ITGAE: variants seen among roughly 807,000 people sequenced by gnomAD.
ITGAE encodes the protein integrin subunit alpha E.
ITGAE carries 99 observed loss-of-function variants against 136.5 expected under a neutral mutation model. The ratio of observed to expected loss-of-function variants is 0.73; its 90% CI spans 0.62 to 0.86. The LOEUF is 0.86. Ranked by LOEUF, ITGAE falls within the 40% of genes least tolerant of loss-of-function variation. ITGAE has a pLI of 0.00. For synonymous variants in ITGAE, 613 were observed against 591.8 expected (o/e 1.04, Z -0.52); for missense variants, 1,447 against 1,515.3 (o/e 0.95, Z 0.75).
Position 3,716,818 on chromosome 17 carries a change from C to T in ITGAE, c.3334-20G>A, listed in dbSNP as rs190697833. 6.6e-6 allele frequency: 9 copies of T among 1,355,278 alleles called. No homozygotes were observed. The highest frequency in any genetic ancestry group is 5.8e-5 in the African/African-American group (4 of 69,358). The allele number at this position is 1,355,278 out of a possible 1,614,324, so 84.0% of individuals were successfully genotyped here. A position where few individuals can be genotyped will look rare whatever the true frequency, so the allele number is the denominator to read the frequency against. On this transcript the variant is annotated intron_variant, in intron 29 of 30. Transcript: ENST00000263087. Reference sequence around the variant, plus strand: ...AGTGATCTAGACAAGACAAAGAGATCGCCCAATAAATCAGGTGAAGCAAAC... The same window carrying T: ...AGTGATCTAGACAAGACAAAGAGATTGCCCAATAAATCAGGTGAAGCAAAC...
intron 1 of ITGAE, among the ~76,000 whole-genome samples, chr17:3,786,932 G>A (rs2052813804): frequency 6.8e-6 from 1 of 147,690 alleles, no homozygotes; most frequent in African/African-American, 2.5e-5. Context: ...AAAACAAGCA[G>A]AGTTCATTTC....
intron 16 of ITGAE, 39 bp downstream of exon 16, chr17:3,750,313 G>C (rs2051831711): frequency 6.2e-7 from 1 of 1,610,510 alleles, no homozygotes; most frequent in Non-Finnish European, 8.5e-7. Context: ...AATGGGTGAG[G>C]CTGGGCCTGG....
At chr17:3,796,135 ATGTGTGTGCATCCGTGTGTGTG>A (rs1567565727) in intron 1 of ITGAE, among the ~76,000 whole-genome samples, 2 of 20,416 alleles carry the variant, frequency 9.8e-5, no homozygotes, top group East Asian at 6.9e-4. Flanking sequence ...GTGTGCATCC[ATGTGTGTGCATCCGTGTGTGTG>A]TGTGTGTGCA....
intron 28 of ITGAE, 91 bp downstream of exon 28, chr17:3,723,197 A>T: frequency 1.1e-6 from 1 of 907,290 alleles, no homozygotes; most frequent in Non-Finnish European, 1.8e-6. Flanking sequence ...TTGGACATGG[A>T]CATGTTATGC....
intron 2 of ITGAE, among the ~76,000 whole-genome samples, chr17:3,766,531 G>A (rs1313674705): frequency 6.6e-6 from 1 of 152,140 alleles, no homozygotes; most frequent in Non-Finnish European, 1.5e-5. Flanking sequence ...GCTGGGCTCA[G>A]TGTCTCACAC....
Position 3,753,800 on chromosome 17 carries a change from C to A in ITGAE, c.1510G>T (p.Val504Leu), listed in dbSNP as rs933359506. The A allele has an allele frequency of 6.2e-7, 1 of 1,614,134 alleles. No individual in the cohort carries two copies. Among genetic ancestry groups the A allele is most frequent in the Admixed American group, 1.7e-5 (1 of 60,012 alleles). Residue 504 changes from valine (V) to leucine (L), a missense_variant, in exon 13 of 31, where the codon GTG becomes TTG. Val to Leu is a conservative substitution (Grantham distance 32). Transcript: ENST00000263087. ...KEGREASFLP[V>L]LEGEQMGSYF... ...GCAGGTACCTGCTCTCCCTCCAGCA[C>A]TGGCAGGAAGCTGGCCTCTCTGCCC...
chr17:3,729,394 A>G (rs1210603591), intron 24 of ITGAE, 84 bp downstream of exon 24: 5 of 855,808 alleles, frequency 5.8e-6, no homozygotes, highest in South Asian at 1.3e-5. Context: ...CATCCTGACC[A>G]CCAGCTCCAT....
intron 15 of ITGAE, among the ~76,000 whole-genome samples, chr17:3,751,197 T>C (rs2051855903): frequency 6.6e-6 from 1 of 151,358 alleles, no homozygotes; most frequent in African/African-American, 2.4e-5. Context: ...GAGGTGCTCA[T>C]GAGGAGCTGG....
At chr17:3,729,293 G>C (rs2051288369) in intron 24 of ITGAE, 185 bp downstream of exon 24, 2 of 583,928 alleles carry the variant, frequency 3.4e-6, no homozygotes, top group African/African-American at 1.9e-5. Flanking sequence ...ACCACAGTGG[G>C]GTTTCTGTGA....
intron 21 of ITGAE, 111 bp from the exon 22 acceptor site, chr17:3,732,577 C>T: frequency 1.2e-6 from 1 of 854,996 alleles, no homozygotes; most frequent in Non-Finnish European, 1.9e-6. Context: ...GCCTGTCAGA[C>T]ACCCTGCCAG....
chr17:3,780,184 T>C (rs1319112389), intron 1 of ITGAE, among the ~76,000 whole-genome samples: 1 of 150,860 alleles, frequency 6.6e-6, no homozygotes, highest in Non-Finnish European at 1.5e-5. Context: ...TTTTTTTTTT[T>C]TTTGGAAATG....
At chr17:3,797,015 C>T (rs564731139) in intron 1 of ITGAE, among the ~76,000 whole-genome samples, 8 of 151,896 alleles carry the variant, frequency 5.3e-5, no homozygotes, top group African/African-American at 1.7e-4. Flanking sequence ...ATCTTCTACA[C>T]GGAGCCTCAT....
chr17:3,755,930 G>A, intron 10 of ITGAE, 33 bp from the exon 11 acceptor site: 1 of 1,567,538 alleles, frequency 6.4e-7, no homozygotes. Flanking sequence ...AGACTGCTGT[G>A]GGCCGAGGTG....
intron 18 of ITGAE, 29 bp downstream of exon 18, chr17:3,745,735 C>T: frequency 6.2e-7 from 1 of 1,609,882 alleles, no homozygotes; most frequent in Non-Finnish European, 8.5e-7. Flanking sequence ...AAGACCCCTC[C>T]TGACTCCCAT....
In ITGAE at chr17:3,798,034, G is replaced by A. The variant is rs543121668; in HGVS notation, c.34+3077C>T. On this transcript the variant is annotated intron_variant, in intron 1 of 30. Coordinates refer to ENST00000263087, the MANE Select transcript of ITGAE (RefSeq NM_002208.5). The surrounding 1 kb of genome is among the most constrained non-coding windows in gnomAD (Gnocchi z 4.3). ...CCTCCACCGTGGGCCTCTCGGGACT[G>A]GATGCCCGCATTCCTCCACTTATAC... 5.7e-4 allele frequency among the ~76,000 whole-genome samples: 87 copies of A among 152,284 alleles called. No individual in the cohort carries two copies. The highest frequency in any genetic ancestry group is 9.8e-4 in the Admixed American group (15 of 15,306).
intron 2 of ITGAE, among the ~76,000 whole-genome samples, chr17:3,766,240 G>A (rs1270383015): frequency 6.6e-6 from 1 of 152,118 alleles, no homozygotes; most frequent in Non-Finnish European, 1.5e-5. Flanking sequence ...CATCCCAGAA[G>A]CCCCCAGGGC....
chr17:3,717,978 T>C (rs532052686), intron 29 of ITGAE: 2 of 152,332 alleles, frequency 1.3e-5, no homozygotes, highest in East Asian at 3.9e-4. Context: ...AATGTCCCTA[T>C]TTCTCAAAGC....
rs1161492472 is a variant in ITGAE, at chr17:3,798,233, C to T, written c.34+2878G>A. 6.6e-6 allele frequency among the ~76,000 whole-genome samples: 1 copy of T among 152,216 alleles called. No individual in the cohort carries two copies. Among genetic ancestry groups the T allele is most frequent in the Non-Finnish European group, 1.5e-5 (1 of 68,030 alleles). On this transcript the variant is annotated intron_variant, in intron 1 of 30. Coordinates refer to ENST00000263087, the MANE Select transcript of ITGAE (RefSeq NM_002208.5). This position sits in a 1 kb window ranked among gnomAD's most constrained non-coding sequence, Gnocchi z 4.3. ...CCCCTTCCCTACCCCCGTGCTGTGACACCCTGCCGGGGCCGGGGAGGCTAC... is the reference window on the plus strand; with the variant it reads ...CCCCTTCCCTACCCCCGTGCTGTGATACCCTGCCGGGGCCGGGGAGGCTAC...
At chr17:3,748,694 G>T (rs1433851605) in intron 16 of ITGAE, among the ~76,000 whole-genome samples, 2 of 152,232 alleles carry the variant, frequency 1.3e-5, no homozygotes, top group African/African-American at 2.4e-5. Flanking sequence ...TTGTTAACAA[G>T]AAAGAGCCAG....
Sources: gnomAD v4.1 joint callset for allele counts (sites outside exome capture counted in the v4.1 genomes callset) on GRCh38, gnomAD v4.1.1 for gene constraint, Gnocchi (gnomAD v3.1) non-coding constraint, MANE v1.5 for transcripts, NCBI Gene and HGNC (gene_info 2026-07-23, HGNC 2026-07-21) for gene names.